HDX: variants seen among roughly 807,000 people sequenced by gnomAD.
The protein encoded by HDX is highly divergent homeobox, also known as chromosome X open reading frame 43.
HDX carries 19 observed loss-of-function variants against 45.2 expected under a neutral mutation model. The observed-to-expected ratio is 0.42, with a 90% CI of 0.29 to 0.62. HDX has a LOEUF of 0.62. Among genes scored for constraint, HDX ranks in the 20% least tolerant of loss-of-function variants. HDX has a pLI of 0.20. For synonymous variants in HDX, 188 were observed against 172.8 expected, an observed-to-expected ratio of 1.09 and a Z score of -0.69; for missense variants, 532 against 493.9, an observed-to-expected ratio of 1.08 and a Z score of -0.73.
Position 84,475,311 on chromosome X carries a change from A to T in HDX, c.87T>A (p.Asn29Lys), listed in dbSNP as rs1262027991. 1 of 1,191,816 alleles carries T rather than the reference A, an allele frequency of 8.4e-7. No homozygotes were observed. The stretch of plus-strand genomic sequence containing the variant: ...CACACTGTAATATGAGCTGAAAGCA[A>T]TTTTTACTTTGATTTGTCATTCCAT... ...YENGMTNQSK[N>K]CFQLILQCAQ... The change falls in exon 3 of 11, where the codon AAT (asparagine) becomes AAA (lysine). Residue 29 changes from asparagine to lysine, a missense_variant. This residue lies in a region of HDX where 376 missense variants were observed against 343.7 expected (regional missense o/e 1.09). Coordinates refer to ENST00000373177, the MANE Select transcript of HDX (RefSeq NM_001177479.2).
chrX:84,415,635 G>GTGTTT (rs901773020), intron 5 of HDX, among the ~76,000 whole-genome samples: 1 of 112,112 alleles, frequency 8.9e-6, no homozygotes, highest in African/African-American at 3.2e-5. Context: ...TGTTGCTTCA[G>GTGTTT]TGTTTTGTTT....
At chrX:84,489,452 A>G (rs776731969) in intron 1 of HDX, among the ~76,000 whole-genome samples, 16 of 111,778 alleles carry the variant, frequency 1.4e-4, no homozygotes, top group African/African-American at 5.2e-4. Context: ...TGGTTGGGAG[A>G]AGGAAAGAGT....
chrX:84,405,341 T>G (rs771191533), intron 5 of HDX, among the ~76,000 whole-genome samples: 1 of 110,400 alleles, frequency 9.1e-6, no homozygotes, highest in East Asian at 2.9e-4. Context: ...TTGTTACAGT[T>G]TTAATATTTT....
chrX:84,322,109 TTATGG>T (rs1302157664), intron 10 of HDX, 95 bp from the exon 11 acceptor site: 2 of 515,621 alleles, frequency 3.9e-6, no homozygotes, highest in Admixed American at 5.0e-5. Context: ...TGAATTATCC[TTATGG>T]ATTTAAAGAA....
At chrX:84,474,946 A>G (rs1569365530) in intron 3 of HDX, among the ~76,000 whole-genome samples, 1 of 111,898 alleles carries the variant, frequency 8.9e-6, no homozygotes, top group Non-Finnish European at 1.9e-5. Flanking sequence ...TTACATCTAC[A>G]TTAATTTGGG....
intron 5 of HDX, among the ~76,000 whole-genome samples, chrX:84,400,025 A>C (rs1176894270): frequency 9.0e-6 from 1 of 111,701 alleles, no homozygotes; most frequent in Non-Finnish European, 1.9e-5. Context: ...CTTCATGTTA[A>C]AAACTCTTAA....
chrX:84,338,021 A>G (rs1445942221), intron 7 of HDX, among the ~76,000 whole-genome samples: 2 of 111,527 alleles, frequency 1.8e-5, no homozygotes, highest in Non-Finnish European at 3.8e-5. Flanking sequence ...TTGAATAAAT[A>G]CTAGTAGAAT....
chrX:84,469,335 T>A lies in HDX; in HGVS notation c.388A>T (p.Ile130Phe), dbSNP rs1199694321. The change falls in exon 4 of 11, where the codon ATT becomes TTT. Residue 130 changes from isoleucine (I) to phenylalanine (F), a missense_variant. Physicochemically the swap from Ile to Phe is conservative, Grantham distance 21. Coordinates refer to ENST00000373177, the MANE Select transcript of HDX (RefSeq NM_001177479.2). ...QGTNKHTDTQITEAHKIPIQK... is the reference protein window; with the variant it reads ...QGTNKHTDTQFTEAHKIPIQK... ...ATAGGGATTTTATGTGCTTCTGTAATTTGTGTGTCTGTATGTTTGTTTGTT... is the reference window on the plus strand; with the variant it reads ...ATAGGGATTTTATGTGCTTCTGTAAATTGTGTGTCTGTATGTTTGTTTGTT... The A allele has an allele frequency of 8.3e-7, 1 of 1,209,620 alleles. No homozygotes were observed. Among genetic ancestry groups the A allele is most frequent in the East Asian group, 3.0e-5 (1 of 33,760 alleles).
At chrX:84,405,727 G>A (rs2038804825) in intron 5 of HDX, among the ~76,000 whole-genome samples, 2 of 104,873 alleles carry the variant, frequency 1.9e-5, no homozygotes, top group Non-Finnish European at 3.9e-5. Context: ...ATAACAAACT[G>A]TTTTTCTCTT....
At chrX:84,365,881 T>G (rs750997785) in intron 5 of HDX, among the ~76,000 whole-genome samples, 1 of 111,673 alleles carries the variant, frequency 9.0e-6, no homozygotes, top group Admixed American at 9.6e-5. Context: ...AATATCATAG[T>G]GAATGGGCAA....
intron 5 of HDX, among the ~76,000 whole-genome samples, chrX:84,382,979 A>G (rs903172425): frequency 1.8e-5 from 2 of 111,133 alleles, no homozygotes; most frequent in Non-Finnish European, 3.8e-5. Context: ...ATATATACCT[A>G]CTATGTACCC....
intron 3 of HDX, among the ~76,000 whole-genome samples, chrX:84,472,308 A>C: frequency 9.0e-6 from 1 of 111,603 alleles, no homozygotes; most frequent in East Asian, 2.8e-4. Context: ...ATCAAAAAGT[A>C]AAATGCAGTA....
intron 5 of HDX, among the ~76,000 whole-genome samples, chrX:84,423,631 T>C (rs2039320139): frequency 9.0e-6 from 1 of 111,547 alleles, no homozygotes; most frequent in African/African-American, 3.3e-5. Flanking sequence ...AAGTGAGATT[T>C]ACCCCTAAGA....
chrX:84,464,557 C>G (rs1333422064), intron 4 of HDX, among the ~76,000 whole-genome samples: 2 of 111,433 alleles, frequency 1.8e-5, no homozygotes, highest in African/African-American at 3.3e-5. Context: ...ACAAACTTGA[C>G]AAAAACAAGA....
chrX:84,450,227 C>T (rs982284794), intron 4 of HDX, among the ~76,000 whole-genome samples: 1 of 111,306 alleles, frequency 9.0e-6, no homozygotes, highest in Non-Finnish European at 1.9e-5. Context: ...AAACTTTCCA[C>T]TTAAAATATA....
At chrX:84,345,236 A>C (rs967006863) in intron 6 of HDX, among the ~76,000 whole-genome samples, 6 of 111,499 alleles carry the variant, frequency 5.4e-5, no homozygotes, top group African/African-American at 2.0e-4. Context: ...GCAAAATATC[A>C]AAAACAGGAA....
At chrX:84,459,335 G>A (rs1399289677) in intron 4 of HDX, among the ~76,000 whole-genome samples, 1 of 109,917 alleles carries the variant, frequency 9.1e-6, no homozygotes, top group African/African-American at 3.3e-5. Context: ...CCAGCTGCTC[G>A]GGAGGCTGAG....
rs747283807 is a variant in HDX, at chrX:84,449,967, G to T, written c.1252-9382C>A. On this transcript the variant is annotated intron_variant, in intron 4 of 10. Coordinates refer to ENST00000373177, the MANE Select transcript of HDX (RefSeq NM_001177479.2). ...CACCGGGCCTGTTGTGGGGTGGGGG[G>T]AAGGGGAGGGATAGCATTGGGAGAT... Among the ~76,000 whole-genome samples, 3 of 109,685 alleles carry T rather than the reference G, an allele frequency of 2.7e-5. No homozygotes were observed. The East Asian group carries it at 8.7e-4, about 32-fold the overall frequency.
At chrX:84,426,138 C>T (rs959733975) in intron 5 of HDX, among the ~76,000 whole-genome samples, 2 of 110,424 alleles carry the variant, frequency 1.8e-5, no homozygotes, top group Non-Finnish European at 3.8e-5. Context: ...TTAAGAAAAA[C>T]AGACTTTTAA....
Sources: allele counts gnomAD v4.1 joint callset (sites outside exome capture counted in the v4.1 genomes callset), GRCh38; gene constraint gnomAD v4.1.1; regional missense constraint gnomAD v4.1.1; transcripts MANE v1.5; gene names NCBI Gene and HGNC (gene_info 2026-07-23, HGNC 2026-07-21).